Variants in AGBL4 observed in about 807,000 individuals in gnomAD.
The protein encoded by AGBL4 is AGBL carboxypeptidase 4.
A neutral mutation model predicts 66.4 loss-of-function variants in AGBL4; 58 were observed. That is an observed-to-expected ratio of 0.87 (90% CI 0.71 to 1.09). The LOEUF (loss-of-function observed/expected upper bound fraction) is 1.09. AGBL4 is among the 50% of genes least tolerant of loss of function. The pLI is 0.00. For missense variants in AGBL4, 579 were observed against 631.0 expected, an observed-to-expected ratio of 0.92 and a Z score of 0.88; for synonymous variants, 234 against 222.9, an observed-to-expected ratio of 1.05 and a Z score of -0.44.
At chr1:49,071,601 C>G (rs2147936331) in intron 4 of AGBL4, among the ~76,000 whole-genome samples, 1 of 152,068 alleles carries the variant, frequency 6.6e-6, no homozygotes, top group East Asian at 1.9e-4. Context: ...GCACTGTGGT[C>G]TGAGAGACAG....
chr1:49,830,806 A>G (rs1215437357), intron 2 of AGBL4, among the ~76,000 whole-genome samples: 1 of 152,178 alleles, frequency 6.6e-6, no homozygotes, highest in Non-Finnish European at 1.5e-5. Context: ...GAAGGGGTCC[A>G]GTTTCAGTTT....
chr1:48,582,401 C>T (rs1336088610), intron 11 of AGBL4, among the ~76,000 whole-genome samples: 1 of 152,110 alleles, frequency 6.6e-6, no homozygotes, highest in Admixed American at 6.6e-5. Context: ...GTGATCAAGT[C>T]CACACATAAT....
Position 49,717,560 on chromosome 1 carries a change from C to CT in AGBL4, c.158-20124dup, listed in dbSNP as rs368186144. Among the ~76,000 whole-genome samples, 438 of 152,096 alleles carry CT rather than the reference C, an allele frequency of 2.9e-3. 3 individuals are homozygous for CT. The highest frequency in any genetic ancestry group is 1.0e-2 in the South Asian group (48 of 4,812). ...ACCATATTAAATAATGCCAAATACC[C>CT]TTTCCTACATCCTGATTCCTCTCAC... On this transcript the variant is annotated intron_variant, in intron 2 of 13. Coordinates refer to ENST00000371839, the MANE Select transcript of AGBL4 (RefSeq NM_032785.4).
chr1:49,961,717 T>C (rs1657134870), intron 1 of AGBL4, among the ~76,000 whole-genome samples: 1 of 152,116 alleles, frequency 6.6e-6, no homozygotes, highest in African/African-American at 2.4e-5. Context: ...CAATCACAGT[T>C]GCTTCAACAA....
At chr1:49,728,986 G>A (rs1374292325) in intron 2 of AGBL4, among the ~76,000 whole-genome samples, 1 of 152,146 alleles carries the variant, frequency 6.6e-6, no homozygotes, top group Non-Finnish European at 1.5e-5. Context: ...CATATTGTAT[G>A]TTCACTTATG....
intron 5 of AGBL4, among the ~76,000 whole-genome samples, chr1:48,944,005 T>C (rs1371500606): frequency 2.6e-5 from 4 of 152,130 alleles, no homozygotes; most frequent in Non-Finnish European, 5.9e-5. Flanking sequence ...CCTACCAGGA[T>C]TGTGAGCAAC....
intron 3 of AGBL4, among the ~76,000 whole-genome samples, chr1:49,531,480 A>G (rs948918557): frequency 3.9e-5 from 6 of 152,134 alleles, no homozygotes; most frequent in Non-Finnish European, 5.9e-5. Context: ...AATGAGAATA[A>G]CCAAAGGATT....
At chr1:49,564,705 CTG>C (rs1311338127) in intron 3 of AGBL4, among the ~76,000 whole-genome samples, 1 of 152,156 alleles carries the variant, frequency 6.6e-6, no homozygotes, top group Admixed American at 6.5e-5. Context: ...TTTACATTTG[CTG>C]TGGAGTGCTT....
intron 4 of AGBL4, among the ~76,000 whole-genome samples, chr1:49,090,734 C>A (rs958110245): frequency 6.6e-6 from 1 of 151,892 alleles, no homozygotes; most frequent in Non-Finnish European, 1.5e-5. Flanking sequence ...TAGAAAAAAA[C>A]TATTTTAAAA....
At chr1:49,351,791 G>A (rs1643914233) in intron 3 of AGBL4, among the ~76,000 whole-genome samples, 1 of 152,084 alleles carries the variant, frequency 6.6e-6, no homozygotes, top group South Asian at 2.1e-4. Context: ...TTGTGACTAT[G>A]TGATTCTGGC....
chr1:48,551,700 T>C (rs1411694997), intron 11 of AGBL4, among the ~76,000 whole-genome samples: 2 of 152,094 alleles, frequency 1.3e-5, no homozygotes, highest in Non-Finnish European at 2.9e-5. Context: ...GTTTCTTCCA[T>C]GCTGTGTGCC....
chr1:48,685,856 C>A (rs1463402103), intron 6 of AGBL4, among the ~76,000 whole-genome samples: 1 of 152,192 alleles, frequency 6.6e-6, no homozygotes, highest in Non-Finnish European at 1.5e-5. Flanking sequence ...CAGCCTTAAG[C>A]TCTGGATCAT....
At chr1:48,568,781 C>G (rs1027592696) in intron 11 of AGBL4, among the ~76,000 whole-genome samples, 2 of 152,192 alleles carry the variant, frequency 1.3e-5, no homozygotes, top group African/African-American at 4.8e-5. Context: ...TCATCCCTGT[C>G]TAAGGCAGAG....
chr1:49,497,942 T>C (rs1032541335), intron 3 of AGBL4, among the ~76,000 whole-genome samples: 5 of 152,058 alleles, frequency 3.3e-5, no homozygotes, highest in African/African-American at 1.2e-4. Flanking sequence ...TAAACTACAT[T>C]GAATCTGCTT....
chr1:49,851,968 A>G (rs1267317398), intron 1 of AGBL4, among the ~76,000 whole-genome samples: 1 of 152,208 alleles, frequency 6.6e-6, no homozygotes, highest in Non-Finnish European at 1.5e-5. Flanking sequence ...CAGTCATTCT[A>G]TAAATAGCAT....
At chr1:48,870,470 T>A (rs1034060641) in intron 5 of AGBL4, among the ~76,000 whole-genome samples, 4 of 152,168 alleles carry the variant, frequency 2.6e-5, no homozygotes, top group African/African-American at 9.7e-5. Flanking sequence ...ATGTTTCAAC[T>A]ATGCTGTTAT....
At chr1:48,703,228 G>A (rs1204562029) in intron 6 of AGBL4, among the ~76,000 whole-genome samples, 1 of 152,110 alleles carries the variant, frequency 6.6e-6, no homozygotes, top group Non-Finnish European at 1.5e-5. Flanking sequence ...AGAGAAGGAA[G>A]GAGGATAAGA....
intron 3 of AGBL4, among the ~76,000 whole-genome samples, chr1:49,461,859 C>T (rs1340146495): frequency 1.3e-5 from 2 of 151,734 alleles, no homozygotes; most frequent in Non-Finnish European, 2.9e-5. Flanking sequence ...TTTCTTTATC[C>T]AGTCTATCAT....
chr1:49,300,791 T>C lies in AGBL4; in HGVS notation c.283-54927A>G, dbSNP rs563364894. Among the ~76,000 whole-genome samples the C allele has an allele frequency of 3.3e-5, 5 of 152,318 alleles. No homozygotes were observed. In the South Asian group the frequency reaches 8.3e-4, roughly 25 times the overall value. The stretch of plus-strand genomic sequence containing the variant: ...CATGGAAAAAATAGCTAGTTCGTTG[T>C]GCTATTCTGCATAAAATGCCTTCTT... On this transcript the variant is annotated intron_variant, in intron 3 of 13. Coordinates refer to ENST00000371839, the MANE Select transcript of AGBL4 (RefSeq NM_032785.4).
Sources: gnomAD v4.1 joint callset for allele counts (sites outside exome capture counted in the v4.1 genomes callset) on GRCh38, gnomAD v4.1.1 for gene constraint, MANE v1.5 for transcripts, NCBI Gene and HGNC (gene_info 2026-07-23, HGNC 2026-07-21) for gene names.